The following HHLA2 variants were observed in gnomAD, a reference collection of about 807,000 sequenced individuals.
The protein encoded by HHLA2 is HHLA2 member of B7 family.
A neutral mutation model predicts 45.9 loss-of-function variants in HHLA2; 48 were observed. The ratio of observed to expected loss-of-function variants is 1.05; its 90% CI spans 0.83 to 1.33. The LOEUF is 1.33. Among genes scored for constraint, HHLA2 ranks in the 40% most tolerant of loss-of-function variants. The probability of loss-of-function intolerance (pLI) is 0.00; values close to 1 mark genes in which losing one functional copy is unlikely to be tolerated. For missense variants in HHLA2, 462 were observed against 494.3 expected (o/e 0.93, Z 0.62); for synonymous variants, 161 against 173.9 (o/e 0.93, Z 0.59).
intron 2 of HHLA2, among the ~76,000 whole-genome samples, chr3:108,321,390 T>A (rs942092429): frequency 1.3e-5 from 2 of 152,208 alleles, no homozygotes; most frequent in Non-Finnish European, 2.9e-5. Flanking sequence ...TTTGAGATAG[T>A]GCATGTCTGA....
chr3:108,351,764 G>A, intron 3 of HHLA2, 24 bp from the exon 3 acceptor site: 1 of 1,474,714 alleles, frequency 6.8e-7, no homozygotes, highest in Non-Finnish European at 9.4e-7. Context: ...TCCATAACAT[G>A]TGCACTTTAC....
At chr3:108,325,465 TG>T in intron 2 of HHLA2, 1 of 385,874 alleles carries the variant, frequency 2.6e-6, no homozygotes, top group South Asian at 2.0e-5. Flanking sequence ...GTCACTTCTC[TG>T]GCTCTCCTCT....
At chr3:108,335,075 G>T (rs2081448546) in intron 3 of HHLA2, among the ~76,000 whole-genome samples, 2 of 152,204 alleles carry the variant, frequency 1.3e-5, no homozygotes, top group African/African-American at 4.8e-5. Context: ...CTTGGAGAAA[G>T]GCTTTGCTCC....
At chr3:108,328,354 A>T in intron 3 of HHLA2, 1 of 1,519,078 alleles carries the variant, frequency 6.6e-7, no homozygotes, top group Admixed American at 2.0e-5. Context: ...TCTGGTAAGT[A>T]GGGAGATATA....
At chr3:108,316,136 C>T (rs2081099431) in intron 2 of HHLA2, among the ~76,000 whole-genome samples, 1 of 149,848 alleles carries the variant, frequency 6.7e-6, no homozygotes, top group African/African-American at 2.5e-5. Context: ...GTAAATATTC[C>T]AGCCGGAAAA....
Position 108,326,648 on chromosome 3 carries a change from A to G in HHLA2, c.-104-1622A>G, listed in dbSNP as rs151087336. 4.3e-3 allele frequency: 656 copies of G among 153,150 alleles called. 2 individuals carry two copies. Among genetic ancestry groups the G allele is most frequent in the Middle Eastern group, 0.01 (3 of 294 alleles). The allele number at this position is 153,150 out of a possible 1,614,324, so 9.5% of individuals were successfully genotyped here. On this transcript the variant is annotated intron_variant, in intron 2 of 10. Coordinates refer to ENST00000619531, the Ensembl canonical transcript of HHLA2. ...ATGGTGACATATGGGACAACCCAAA[A>G]CCCCTGGAGTGCTTGGTGTTTGAGT... is the stretch of plus-strand genomic sequence containing the variant.
rs200921764 is a variant in HHLA2, at chr3:108,348,425, G to C, written c.-26-3363G>C. On this transcript the variant is annotated intron_variant, in intron 3 of 10. Transcript: ENST00000619531. ...TGCAGAAAAGAGCCGAGAGTTGGTA[G>C]GACATTTTAAAGTGGGAAATGAAGA... Among the ~76,000 whole-genome samples, 37 of 152,278 alleles carry C rather than the reference G, an allele frequency of 2.4e-4. No homozygotes were observed. The East Asian group carries it at 6.9e-3, about 29-fold the overall frequency.
chr3:108,368,512 A>C (rs1044178483), intron 8 of HHLA2, among the ~76,000 whole-genome samples: 4 of 134,128 alleles, frequency 3.0e-5, no homozygotes, highest in Non-Finnish European at 6.3e-5. Flanking sequence ...GGATGGAGGA[A>C]TATTTACCAA....
At chr3:108,358,847 T>C (rs2081942901) in intron 7 of HHLA2, among the ~76,000 whole-genome samples, 4 of 152,212 alleles carry the variant, frequency 2.6e-5, no homozygotes, top group Non-Finnish European at 5.9e-5. Flanking sequence ...GTGGAACTTA[T>C]GTTTTAGAAA....
chr3:108,352,281 C>T (rs888334910), intron 4 of HHLA2, among the ~76,000 whole-genome samples: 1 of 152,118 alleles, frequency 6.6e-6, no homozygotes, highest in East Asian at 1.9e-4. Context: ...TTAGAGAGAT[C>T]GACAGTCACT....
intron 1 of HHLA2, among the ~76,000 whole-genome samples, chr3:108,304,941 G>C (rs762284597): frequency 6.6e-6 from 1 of 152,158 alleles, no homozygotes; most frequent in African/African-American, 2.4e-5. Flanking sequence ...ATTACTGGTT[G>C]ACTTTGCATC....
At chr3:108,364,381 T>A (rs2082029491) in intron 8 of HHLA2, among the ~76,000 whole-genome samples, 1 of 152,362 alleles carries the variant, frequency 6.6e-6, no homozygotes, top group South Asian at 2.1e-4. Flanking sequence ...ATTTTCTTTA[T>A]CCAGTCTATC....
intron 2 of HHLA2, among the ~76,000 whole-genome samples, chr3:108,320,094 C>T (rs949359835): frequency 1.3e-5 from 2 of 152,120 alleles, no homozygotes; most frequent in Non-Finnish European, 2.9e-5. Flanking sequence ...CCTAAGTTTT[C>T]ACTGTTTCTG....
chr3:108,305,065 T>C (rs2080907799), intron 1 of HHLA2, among the ~76,000 whole-genome samples: 2 of 152,256 alleles, frequency 1.3e-5, no homozygotes. Flanking sequence ...AACCTTTTAC[T>C]CATCAATGAG....
intron 2 of HHLA2, among the ~76,000 whole-genome samples, chr3:108,314,564 G>A (rs776573613): frequency 1.3e-5 from 2 of 152,106 alleles, no homozygotes. Context: ...GCCACACCAT[G>A]GCTCCTCTCT....
intron 3 of HHLA2, among the ~76,000 whole-genome samples, chr3:108,336,928 C>A (rs2081481113): frequency 6.6e-6 from 1 of 152,048 alleles, no homozygotes; most frequent in African/African-American, 2.4e-5. Flanking sequence ...TGTTTCCTTG[C>A]TTGATGTGTC....
At chr3:108,348,807 C>T (rs542431226) in intron 3 of HHLA2, among the ~76,000 whole-genome samples, 1 of 151,418 alleles carries the variant, frequency 6.6e-6, no homozygotes, top group Non-Finnish European at 1.5e-5. Context: ...TAGCCCCCCA[C>T]CCCCTGACAG....
At chr3:108,325,469 T>A in intron 2 of HHLA2, 1 of 378,796 alleles carries the variant, frequency 2.6e-6, no homozygotes, top group South Asian at 2.1e-5. Context: ...CTTCTCTGGC[T>A]CTCCTCTCCT....
intron 2 of HHLA2, chr3:108,328,135 A>T: frequency 2.0e-6 from 1 of 500,850 alleles, no homozygotes; most frequent in Non-Finnish European, 3.4e-6. Context: ...TCTGTCTCGA[A>T]GAAAAAAAAA....
Sources: gnomAD v4.1 joint callset for allele counts (sites outside exome capture counted in the v4.1 genomes callset) on GRCh38, gnomAD v4.1.1 for gene constraint, MANE v1.5 for transcripts, NCBI Gene and HGNC (gene_info 2026-07-23, HGNC 2026-07-21) for gene names.